The following ZFPM2 variants were observed in gnomAD, a reference collection of about 807,000 sequenced individuals.
The protein encoded by ZFPM2 is zinc finger protein ZFPM2.
Under a neutral mutation model 98.6 loss-of-function variants are expected in ZFPM2, and 20 were observed. The observed-to-expected ratio is 0.20, with a 90% CI of 0.14 to 0.29. The LOEUF (loss-of-function observed/expected upper bound fraction) is 0.29, where lower values mean the gene tolerates loss of function less well. ZFPM2 is among the 10% of genes least tolerant of loss of function. ZFPM2 has a pLI of 1.00. For synonymous variants in ZFPM2, 518 were observed against 502.7 expected, an observed-to-expected ratio of 1.03 and a Z score of -0.41; for missense variants, 1,310 against 1,388.6, an observed-to-expected ratio of 0.94 and a Z score of 0.90.
At chr8:105,478,854 A>G (rs554254879) in intron 3 of ZFPM2, among the ~76,000 whole-genome samples, 15 of 152,280 alleles carry the variant, frequency 9.9e-5, no homozygotes, top group African/African-American at 3.4e-4. Context: ...CTACTCTAGC[A>G]AGGATACCCC....
chr8:105,444,155 T>C (rs1812320184), intron 2 of ZFPM2, 125 bp from the exon 3 acceptor site: 1 of 703,166 alleles, frequency 1.4e-6, no homozygotes, highest in South Asian at 1.8e-5. Flanking sequence ...TTTATTAGTG[T>C]AATGACAATA....
At chr8:105,586,250 C>T (rs1165651047) in intron 4 of ZFPM2, among the ~76,000 whole-genome samples, 2 of 152,020 alleles carry the variant, frequency 1.3e-5, no homozygotes, top group Non-Finnish European at 2.9e-5. Context: ...CAGATTTTTT[C>T]GATGTAATGT....
At chr8:105,777,573 C>A (rs563038500) in intron 5 of ZFPM2, among the ~76,000 whole-genome samples, 1 of 152,092 alleles carries the variant, frequency 6.6e-6, no homozygotes, top group Non-Finnish European at 1.5e-5. Context: ...AAGTTGAATG[C>A]CCCCAAATGC....
chr8:105,450,873 G>A (rs7832695), intron 3 of ZFPM2, among the ~76,000 whole-genome samples: 52,235 of 151,720 alleles, frequency 0.34, 11,352 homozygotes, highest in African/African-American at 0.62. Context: ...TGAAAGCCTG[G>A]CTCTTTGTAG....
intron 3 of ZFPM2, among the ~76,000 whole-genome samples, chr8:105,498,778 A>G (rs1005410003): frequency 2.0e-4 from 31 of 152,262 alleles, no homozygotes; most frequent in African/African-American, 7.2e-4. Context: ...TGGGCAGTGA[A>G]GTTGGAGAGA....
intron 3 of ZFPM2, among the ~76,000 whole-genome samples, chr8:105,487,660 T>C (rs776733017): frequency 2.6e-5 from 4 of 152,004 alleles, no homozygotes; most frequent in Non-Finnish European, 5.9e-5. Context: ...GAGGGCCAGA[T>C]ATTACCAAGC....
At chr8:105,494,244 A>C (rs1813417393) in intron 3 of ZFPM2, among the ~76,000 whole-genome samples, 1 of 136,574 alleles carries the variant, frequency 7.3e-6, no homozygotes, top group Non-Finnish European at 1.6e-5. Flanking sequence ...AACTCAACAT[A>C]TCTGAAAGTG....
In ZFPM2 at chr8:105,330,621, T is replaced by TATATACATATATATATACAC. The variant is rs1554595032; in HGVS notation, c.40+11645_40+11646insCATATATATATACACATATA. On this transcript the variant is annotated intron_variant, in intron 1 of 7. Coordinates refer to ENST00000407775, the MANE Select transcript of ZFPM2 (RefSeq NM_012082.4). Reference sequence around the variant, plus strand: ...ATATATATATATATACACATATATATATATATATATACATATATATATATA... The same window carrying TATATACATATATATATACAC: ...ATATATATATATATACACATATATATATATACATATATATATACACATATATATATACATATATATATATA... Among the ~76,000 whole-genome samples, 58 of 104,624 alleles carry TATATACATATATATATACAC rather than the reference T, an allele frequency of 5.5e-4. 2 individuals carry two copies. In the East Asian group the frequency reaches 0.014, roughly 26 times the overall value. 68.6% of individuals were successfully genotyped at this position (104,624 alleles called of 152,430 possible).
chr8:105,340,314 G>T (rs930893941), intron 1 of ZFPM2, among the ~76,000 whole-genome samples: 1 of 151,686 alleles, frequency 6.6e-6, no homozygotes, highest in Non-Finnish European at 1.5e-5. Context: ...TAAAAGCCTT[G>T]GGGAAATTGG....
chr8:105,423,116 A>T (rs1341050760), intron 2 of ZFPM2, among the ~76,000 whole-genome samples: 3 of 152,194 alleles, frequency 2.0e-5, no homozygotes, highest in Non-Finnish European at 4.4e-5. Flanking sequence ...ATTATAAACC[A>T]TGTGATTAAA....
intron 5 of ZFPM2, among the ~76,000 whole-genome samples, chr8:105,637,136 G>C (rs923681825): frequency 2.0e-5 from 3 of 152,102 alleles, no homozygotes; most frequent in African/African-American, 7.2e-5. Context: ...TTACACCTAT[G>C]ACTTAGAGAG....
chr8:105,494,596 A>G (rs1489085827), intron 3 of ZFPM2, among the ~76,000 whole-genome samples: 3 of 152,132 alleles, frequency 2.0e-5, no homozygotes, highest in Non-Finnish European at 2.9e-5. Flanking sequence ...TTTGAAGAAG[A>G]TAATAACTAA....
intron 3 of ZFPM2, among the ~76,000 whole-genome samples, chr8:105,500,055 T>C (rs1813557897): frequency 6.6e-6 from 1 of 152,220 alleles, no homozygotes; most frequent in Non-Finnish European, 1.5e-5. Context: ...GAAGAATCAA[T>C]TGGATTTGTC....
intron 4 of ZFPM2, among the ~76,000 whole-genome samples, chr8:105,585,115 A>G (rs564716905): frequency 6.6e-6 from 1 of 152,316 alleles, no homozygotes; most frequent in South Asian, 2.1e-4. Flanking sequence ...ATTATCAGTT[A>G]TTTAATATTC....
At chr8:105,386,525 G>T (rs1328777941) in intron 1 of ZFPM2, among the ~76,000 whole-genome samples, 1 of 152,222 alleles carries the variant, frequency 6.6e-6, no homozygotes, top group Non-Finnish European at 1.5e-5. Flanking sequence ...TCAGCCTTCT[G>T]GTGGGTTCAT....
intron 7 of ZFPM2, among the ~76,000 whole-genome samples, chr8:105,799,972 A>G (rs1253421646): frequency 6.6e-6 from 1 of 152,150 alleles, no homozygotes; most frequent in African/African-American, 2.4e-5. Context: ...TCCTCTCCTT[A>G]CAAATGAGCT....
chr8:105,559,748 TAAA>T (rs1350235586), intron 3 of ZFPM2, among the ~76,000 whole-genome samples: 1 of 151,894 alleles, frequency 6.6e-6, no homozygotes, highest in African/African-American at 2.4e-5. Context: ...AATAGAGAAA[TAAA>T]GAAGAGATAG....
At chr8:105,565,622 T>C (rs1330531328) in intron 4 of ZFPM2, among the ~76,000 whole-genome samples, 3 of 152,160 alleles carry the variant, frequency 2.0e-5, no homozygotes, top group African/African-American at 7.2e-5. Context: ...GATGTGGTAA[T>C]AATAATACTG....
rs184222871 is a variant in ZFPM2 at position 105,430,255 on chromosome 8, C to T, written c.199+10953C>T. Among the ~76,000 whole-genome samples the T allele has an allele frequency of 1.9e-3, 285 of 152,232 alleles. 3 individuals are homozygous for T. The highest frequency in any genetic ancestry group is 0.017 in the South Asian group (83 of 4,816). ...CTTTGAATTCTTTTTCTTAAGGAGG[C>T]CCCCTGAATTGTATAAGCTTTGGTC... On this transcript the variant is annotated intron_variant, in intron 2 of 7. Transcript: ENST00000407775.
Sources: allele counts gnomAD v4.1 joint callset (sites outside exome capture counted in the v4.1 genomes callset), GRCh38; gene constraint gnomAD v4.1.1; transcripts MANE v1.5; gene names NCBI Gene and HGNC (gene_info 2026-07-23, HGNC 2026-07-21).